Variants in SLC2A9 observed in about 807,000 individuals in gnomAD.
The protein encoded by SLC2A9 is solute carrier family 2, facilitated glucose transporter member 9.
In SLC2A9, 39 loss-of-function variants were observed where a neutral mutation model predicts 50.6. The observed-to-expected ratio is 0.77, with a 90% CI of 0.60 to 1.01. The LOEUF is 1.01. SLC2A9 is among the 50% of genes least tolerant of loss of function. The pLI, the probability that SLC2A9 is intolerant of heterozygous loss-of-function variation, is 0.00. For synonymous variants in SLC2A9, 324 were observed against 276.9 expected, an observed-to-expected ratio of 1.17 and a Z score of -1.69; for missense variants, 686 against 677.6, an observed-to-expected ratio of 1.01 and a Z score of -0.14.
intron 3 of SLC2A9, among the ~76,000 whole-genome samples, chr4:9,805,833 A>G (rs1202402425): frequency 6.6e-6 from 1 of 152,156 alleles, no homozygotes; most frequent in Non-Finnish European, 1.5e-5. Context: ...AGTGCTGGGC[A>G]CTGTTCTAGG....
At chr4:9,803,395 AATT>A (rs762961898) in intron 3 of SLC2A9, among the ~76,000 whole-genome samples, 16 of 152,202 alleles carry the variant, frequency 1.1e-4, no homozygotes, top group Non-Finnish European at 2.2e-4. Context: ...GTGCTAAATG[AATT>A]ATTTATTTAA....
At chr4:9,822,466 T>G (rs1724535959), downstream of SLC2A9, among the ~76,000 whole-genome samples, 1 of 152,002 alleles carries the variant, frequency 6.6e-6, no homozygotes, top group African/African-American at 2.4e-5. Context: ...GTAATTCCTC[T>G]TGTTTCAAAA....
intron 7 of SLC2A9, among the ~76,000 whole-genome samples, chr4:9,910,513 G>A (rs112469934): frequency 1.6e-4 from 24 of 152,200 alleles, no homozygotes; most frequent in African/African-American, 4.1e-4. Context: ...AATGGCCAAC[G>A]TTCTCTAGGG....
intron 10 of SLC2A9, among the ~76,000 whole-genome samples, chr4:9,860,913 G>T (rs1731514741): frequency 6.6e-6 from 1 of 152,198 alleles, no homozygotes; most frequent in Non-Finnish European, 1.5e-5. Context: ...ATGCGCAGAT[G>T]TGTGCGTGGC....
intron 5 of SLC2A9, among the ~76,000 whole-genome samples, chr4:9,953,534 GATA>G (rs1240680282): frequency 6.6e-6 from 1 of 152,196 alleles, no homozygotes; most frequent in Non-Finnish European, 1.5e-5. Flanking sequence ...ATAAAATAGA[GATA>G]ATAAAACCTG....
chr4:9,782,095 G>C (rs191825696), intron 3 of SLC2A9: 2 of 1,528,630 alleles, frequency 1.3e-6, no homozygotes, highest in Non-Finnish European at 1.8e-6. Context: ...AGCAGCTGGC[G>C]CAGGGGAACG....
At chr4:9,986,036 T>C (rs1756661603) in intron 3 of SLC2A9, among the ~76,000 whole-genome samples, 1 of 152,248 alleles carries the variant, frequency 6.6e-6, no homozygotes, top group African/African-American at 2.4e-5. Context: ...GGTAGTATTT[T>C]ATTGCTTTAA....
chr4:9,972,914 C>T lies in SLC2A9; in HGVS notation c.681+7678G>A, dbSNP rs6853922. Among the ~76,000 whole-genome samples, 1,437 of 152,132 alleles carry T rather than the reference C, an allele frequency of 9.4e-3. 27 individuals are homozygous for T. Among genetic ancestry groups the T allele is most frequent in the African/African-American group, 0.033 (1,386 of 41,502 alleles). ...TAGAAAAACAAGATCAAACCAACTC[C>T]AAAGTTAGCAAAAGAAAAGAAACAG... is the stretch of plus-strand genomic sequence containing the variant. On this transcript the variant is annotated intron_variant, in intron 5 of 11. Coordinates refer to ENST00000264784, the MANE Select transcript of SLC2A9 (RefSeq NM_020041.3).
At chr4:9,805,861 C>T (rs1306181768) in intron 3 of SLC2A9, among the ~76,000 whole-genome samples, 1 of 152,174 alleles carries the variant, frequency 6.6e-6, no homozygotes, top group African/African-American at 2.4e-5. Flanking sequence ...CATGTAGCAA[C>T]TAATGTTCTC....
At chr4:10,033,889 C>T (rs1371828064) in intron 1 of SLC2A9, among the ~76,000 whole-genome samples, 1 of 152,226 alleles carries the variant, frequency 6.6e-6, no homozygotes, top group African/African-American at 2.4e-5. Context: ...CCTTAAGCCC[C>T]AGGGCTAATG....
downstream of SLC2A9, among the ~76,000 whole-genome samples, chr4:9,778,113 C>T (rs1398550085): frequency 4.1e-5 from 6 of 145,728 alleles, no homozygotes; most frequent in Admixed American, 7.1e-5. Context: ...TCCTTCTTTC[C>T]TTCTCCCCGC....
At chr4:10,022,053 G>T (rs547384849), upstream of SLC2A9, among the ~76,000 whole-genome samples, 18 of 152,170 alleles carry the variant, frequency 1.2e-4, no homozygotes, top group Non-Finnish European at 2.2e-4. Flanking sequence ...TGGCCAGGCT[G>T]GTCTTGACCT....
At chr4:10,017,765 AGCTCCCCGC>A (rs1762860258) in intron 2 of SLC2A9, among the ~76,000 whole-genome samples, 4 of 152,236 alleles carry the variant, frequency 2.6e-5, no homozygotes, top group East Asian at 1.9e-4. Context: ...AAGAACCTGG[AGCTCCCCGC>A]ATTTCCCCAG....
intron 6 of SLC2A9, among the ~76,000 whole-genome samples, chr4:9,928,405 G>C (rs1016675964): frequency 6.6e-6 from 1 of 152,234 alleles, no homozygotes; most frequent in East Asian, 1.9e-4. Flanking sequence ...TGGTTTGGTA[G>C]ACAAAGTTAT....
At chr4:10,005,341 A>G (rs538455316) in intron 2 of SLC2A9, among the ~76,000 whole-genome samples, 4 of 152,218 alleles carry the variant, frequency 2.6e-5, no homozygotes, top group Non-Finnish European at 5.9e-5. Flanking sequence ...TAAAAGACGC[A>G]GTGGGTTGAA....
chr4:9,928,645 A>G (rs1451433424), intron 6 of SLC2A9, among the ~76,000 whole-genome samples: 1 of 152,284 alleles, frequency 6.6e-6, no homozygotes, highest in East Asian at 1.9e-4. Flanking sequence ...GAGGCAGGAG[A>G]ATCGCTTGAA....
At chr4:9,966,831 A>AAAC (rs142270169) in intron 5 of SLC2A9, among the ~76,000 whole-genome samples, 114,397 of 151,922 alleles carry the variant, frequency 0.75, 44,343 homozygotes, top group African/African-American at 0.94. Flanking sequence ...TCATTAAACC[A>AAAC]AACATTTCCT....
chr4:9,847,297 G>A (rs1577506357), intron 10 of SLC2A9, among the ~76,000 whole-genome samples: 2 of 152,338 alleles, frequency 1.3e-5, no homozygotes, highest in South Asian at 4.1e-4. Flanking sequence ...CTGTGGTGGA[G>A]CAGGGGAGAG....
intron 2 of SLC2A9, among the ~76,000 whole-genome samples, chr4:10,006,010 T>C (rs532341048): frequency 1.3e-5 from 2 of 152,328 alleles, no homozygotes; most frequent in South Asian, 4.1e-4. Flanking sequence ...CGATATGAAG[T>C]ACACAATAAA....
Sources: allele counts gnomAD v4.1 joint callset (sites outside exome capture counted in the v4.1 genomes callset), GRCh38; gene constraint gnomAD v4.1.1; transcripts MANE v1.5; gene names NCBI Gene and HGNC (gene_info 2026-07-23, HGNC 2026-07-21).